PIK3R3: variants seen among roughly 807,000 people sequenced by gnomAD.
PIK3R3 encodes the protein phosphatidylinositol 3-kinase regulatory subunit gamma.
Under a neutral mutation model 62.9 loss-of-function variants are expected in PIK3R3, and 64 were observed. That is an observed-to-expected ratio of 1.02 (90% CI 0.83 to 1.25). The LOEUF (loss-of-function observed/expected upper bound fraction) is 1.25. Among genes scored for constraint, PIK3R3 ranks in the 50% most tolerant of loss-of-function variants. The probability of loss-of-function intolerance (pLI) is 0.00; values close to 1 mark genes in which losing one functional copy is unlikely to be tolerated. For synonymous variants in PIK3R3, 165 were observed against 189.0 expected (o/e 0.87, Z 1.04); for missense variants, 614 against 561.6 (o/e 1.09, Z -0.94).
intron 1 of PIK3R3, among the ~76,000 whole-genome samples, chr1:46,125,292 T>C (rs1429922966): frequency 6.6e-6 from 1 of 152,046 alleles, no homozygotes; most frequent in Non-Finnish European, 1.5e-5. Context: ...ACAAAAAAAC[T>C]GGCATGGCTT....
intron 1 of PIK3R3, among the ~76,000 whole-genome samples, chr1:46,128,305 T>C (rs1475557481): frequency 6.6e-6 from 1 of 152,084 alleles, no homozygotes; most frequent in Non-Finnish European, 1.5e-5. Context: ...CATGGTAGCA[T>C]GCGCCTGTGT....
chr1:46,091,837 T>C (rs555749697), intron 1 of PIK3R3, among the ~76,000 whole-genome samples: 103 of 152,346 alleles, frequency 6.8e-4, no homozygotes, highest in African/African-American at 2.3e-3. Flanking sequence ...CATCCTCCCA[T>C]ATACTTTAAG....
At chr1:46,063,126 G>A (rs370220607) in intron 5 of PIK3R3, among the ~76,000 whole-genome samples, 5 of 152,308 alleles carry the variant, frequency 3.3e-5, no homozygotes, top group Admixed American at 3.3e-4. Context: ...GAGGCAACCA[G>A]TTATTTATTA....
chr1:46,059,664 C>T (rs1282015031), intron 6 of PIK3R3, among the ~76,000 whole-genome samples: 3 of 152,136 alleles, frequency 2.0e-5, no homozygotes, highest in Non-Finnish European at 4.4e-5. Context: ...TGCAGTGGCA[C>T]TTGCCTGTAG....
intron 3 of PIK3R3, 40 bp from the exon 4 acceptor site, chr1:46,067,131 C>A (rs759586981): frequency 6.9e-7 from 1 of 1,447,598 alleles, no homozygotes; most frequent in South Asian, 1.4e-5. Context: ...TTTTTTCCCC[C>A]AAATTCAACT....
chr1:46,128,987 C>T (rs1388010013), intron 1 of PIK3R3, among the ~76,000 whole-genome samples: 1 of 151,798 alleles, frequency 6.6e-6, no homozygotes, highest in African/African-American at 2.4e-5. Flanking sequence ...AGGAGAATCA[C>T]TTGAACTCAG....
At chr1:46,069,375 C>A (rs1649289466) in intron 3 of PIK3R3, among the ~76,000 whole-genome samples, 1 of 151,992 alleles carries the variant, frequency 6.6e-6, no homozygotes, top group Non-Finnish European at 1.5e-5. Flanking sequence ...AAAAATTAGC[C>A]TGGCGTGGTG....
intron 1 of PIK3R3, among the ~76,000 whole-genome samples, chr1:46,085,503 C>T (rs1361705330): frequency 6.6e-6 from 1 of 152,200 alleles, no homozygotes; most frequent in Non-Finnish European, 1.5e-5. Context: ...AGTTGCTCCC[C>T]ACCCTCCCAT....
At position 46,046,035 on chromosome 1, in the gene PIK3R3, G is replaced by T; in HGVS notation, c.1070C>A (p.Thr357Asn). ...TCGATTGATATCCTCAACAAACCAG[G>T]TTTTCTCATCATAATGGGGCAGGTT... ...DENLPHYDEK[T>N]WFVEDINRVQ... Residue 357 changes from threonine (T) to asparagine (N), a missense_variant, in exon 9 of 10, where the codon ACC (threonine) becomes AAC (asparagine). Transcript: ENST00000262741. The T allele has an allele frequency of 1.2e-6, 2 of 1,611,570 alleles. No individual in the cohort carries two copies. The highest frequency in any genetic ancestry group is 1.7e-6 in the Non-Finnish European group (2 of 1,178,198).
intron 6 of PIK3R3, among the ~76,000 whole-genome samples, chr1:46,060,222 T>A (rs1159088595): frequency 6.6e-6 from 1 of 152,112 alleles, no homozygotes; most frequent in Non-Finnish European, 1.5e-5. Flanking sequence ...GCGCAGTAGC[T>A]CAAGCCTGTA....
intron 1 of PIK3R3, among the ~76,000 whole-genome samples, chr1:46,094,756 C>T (rs904765987): frequency 6.6e-6 from 1 of 152,226 alleles, no homozygotes; most frequent in Non-Finnish European, 1.5e-5. Context: ...CAACAACCAA[C>T]TGCTTTGTGA....
At chr1:46,052,517 A>C (rs116224255) in intron 7 of PIK3R3, among the ~76,000 whole-genome samples, 370 of 152,264 alleles carry the variant, frequency 2.4e-3, no homozygotes, top group Middle Eastern at 6.8e-3. Context: ...CATTAATCTT[A>C]AGTGTACTGA....
At chr1:46,081,247 T>C (rs566523094) in intron 1 of PIK3R3, among the ~76,000 whole-genome samples, 220 of 152,312 alleles carry the variant, frequency 1.4e-3, no homozygotes, top group Non-Finnish European at 2.2e-3. Flanking sequence ...GAATTAGAGC[T>C]ACAGATATCA....
At chr1:46,056,075 G>C in intron 6 of PIK3R3, 104 bp from the exon 7 acceptor site, 1 of 697,322 alleles carries the variant, frequency 1.4e-6, no homozygotes. Context: ...CCTTGAGATT[G>C]AGTCTCGCTC....
the PIK3R3 span, among the ~76,000 whole-genome samples, chr1:46,169,884 G>T: frequency 2.6e-5 from 4 of 152,304 alleles, no homozygotes; most frequent in African/African-American, 9.6e-5. Flanking sequence ...CAGCCCCAAA[G>T]ATTGGACAAG....
chr1:46,125,598 G>A (rs983622446), intron 1 of PIK3R3, among the ~76,000 whole-genome samples: 1 of 152,102 alleles, frequency 6.6e-6, no homozygotes, highest in African/African-American at 2.4e-5. Context: ...AATCTAAATT[G>A]TGCCAGGTTG....
upstream of PIK3R3, among the ~76,000 whole-genome samples, chr1:46,137,361 A>T (rs2149485583): frequency 6.6e-6 from 1 of 152,342 alleles, no homozygotes; most frequent in African/African-American, 2.4e-5. Flanking sequence ...AATTTGACAA[A>T]GTGTGTTGGG....
chr1:46,147,004 TG>T, the PIK3R3 span, among the ~76,000 whole-genome samples: 1 of 152,260 alleles, frequency 6.6e-6, no homozygotes, highest in East Asian at 1.9e-4. Flanking sequence ...GGGAAACAAA[TG>T]GGCAGGGACT....
At chr1:46,071,023 T>C (rs1292821821) in intron 3 of PIK3R3, among the ~76,000 whole-genome samples, 1 of 152,208 alleles carries the variant, frequency 6.6e-6, no homozygotes, top group Non-Finnish European at 1.5e-5. Flanking sequence ...CTGGTTTTAC[T>C]CTCATTCCTC....
Sources: allele counts gnomAD v4.1 joint callset (sites outside exome capture counted in the v4.1 genomes callset), GRCh38; gene constraint gnomAD v4.1.1; transcripts MANE v1.5; gene names NCBI Gene and HGNC (gene_info 2026-07-23, HGNC 2026-07-21).